The following BRAF variants were observed in gnomAD, a reference collection of about 807,000 sequenced individuals.
BRAF encodes B-Raf proto-oncogene, serine/threonine kinase.
A neutral mutation model predicts 104.6 loss-of-function variants in BRAF; 16 were observed. The observed-to-expected ratio is 0.15, with a 90% CI of 0.10 to 0.23. BRAF has a LOEUF of 0.23. BRAF is among the 10% of genes least tolerant of loss of function. The pLI is 1.00. For synonymous variants in BRAF, 310 were observed against 341.6 expected (o/e 0.91, Z 1.02); for missense variants, 541 against 937.3 (o/e 0.58, Z 5.52).
chr7:140,800,019 T>TG (rs1392261061), intron 7 of BRAF: 1 of 404,506 alleles, frequency 2.5e-6, no homozygotes, highest in Non-Finnish European at 4.6e-6. Flanking sequence ...ATAAGTTATT[T>TG]GGGGAAAAGA....
chr7:140,747,498 G>T, intron 17 of BRAF: 1 of 846,906 alleles, frequency 1.2e-6, no homozygotes, highest in Non-Finnish European at 1.7e-6. Context: ...GCTTTTATCT[G>T]TATTTTGGAG....
rs1803835418 is a variant in BRAF at position 140,808,045 on chromosome 7, C to T, written c.626G>A (p.Gly209Asp). The T allele has an allele frequency of 6.2e-7, 1 of 1,612,916 alleles. No homozygotes were observed. The highest frequency in any genetic ancestry group is 1.1e-5 in the South Asian group (1 of 91,050). ...AAGCCAGGAAATATCAGTGTCCCAA[C>T]CAATTGGTTTCTTCTCTCTGAAAAA... ...RIQDGEKKPI[G>D]WDTDISWLTG... The change falls in exon 5 of 20, where the codon GGT (glycine) becomes GAT (aspartate). Residue 209 changes from glycine (G) to aspartate (D), a missense_variant. Physicochemically the swap from Gly to Asp is moderately conservative, Grantham distance 94 (BLOSUM62 -1). This residue lies in a region of BRAF where 26 missense variants were observed against 74.4 expected (regional missense o/e 0.35). Transcript: ENST00000644969.
intron 14 of BRAF, among the ~76,000 whole-genome samples, chr7:140,770,888 G>A (rs1045008288): frequency 8.8e-5 from 13 of 148,412 alleles, no homozygotes; most frequent in Admixed American, 6.8e-5. Flanking sequence ...AGCCAAGGTC[G>A]TGCCACTGTA....
At chr7:140,773,740 A>G (rs1433684808) in intron 14 of BRAF, among the ~76,000 whole-genome samples, 1 of 152,194 alleles carries the variant, frequency 6.6e-6, no homozygotes, top group African/African-American at 2.4e-5. Flanking sequence ...GATATTGCCA[A>G]TTCCTGAGAA....
rs1300944683 is a variant in BRAF, at chr7:140,924,336, A to T, written c.138+230T>A. On this transcript the variant is annotated intron_variant, in intron 1 of 19. Transcript: ENST00000644969. The surrounding 1 kb of genome is among the most constrained non-coding windows in gnomAD (Gnocchi z 4.2). ...CAACCACCGCTGCCCCAATCCCCAC[A>T]TCTGGGGTGGGGGCCAGGGAAACCC... 6.6e-6 allele frequency among the ~76,000 whole-genome samples: 1 copy of T among 151,910 alleles called. No individual in the cohort carries two copies. Among genetic ancestry groups the T allele is most frequent in the Non-Finnish European group, 1.5e-5 (1 of 67,950 alleles).
At chr7:140,899,986 A>G (rs892313363) in intron 1 of BRAF, among the ~76,000 whole-genome samples, 1 of 152,242 alleles carries the variant, frequency 6.6e-6, no homozygotes, top group Non-Finnish European at 1.5e-5. Context: ...GGCCTGCTAC[A>G]TCCACATGAG....
chr7:140,872,702 A>T lies in BRAF; in HGVS notation c.139-22490T>A, dbSNP rs555189903. Among the ~76,000 whole-genome samples, 14 of 152,158 alleles carry T rather than the reference A, an allele frequency of 9.2e-5. No individual in the cohort carries two copies. The East Asian group carries it at 2.7e-3, about 29-fold the overall frequency. Reference sequence around the variant, plus strand: ...AGACCTCATCTCTACCAAAAATAAAAAAAAATAAAAATTAGCCAGGTATGG... The same window carrying T: ...AGACCTCATCTCTACCAAAAATAAATAAAAATAAAAATTAGCCAGGTATGG... On this transcript the variant is annotated intron_variant, in intron 1 of 19. Transcript: ENST00000644969.
chr7:140,879,419 A>T (rs1435789144), intron 1 of BRAF, among the ~76,000 whole-genome samples: 1 of 151,910 alleles, frequency 6.6e-6, no homozygotes, highest in Admixed American at 6.6e-5. Context: ...TGACCTTGTG[A>T]TCTGCCTGCC....
chr7:140,881,816 T>C (rs1404181033), intron 1 of BRAF, among the ~76,000 whole-genome samples: 1 of 151,810 alleles, frequency 6.6e-6, no homozygotes, highest in Non-Finnish European at 1.5e-5. Flanking sequence ...TGGAGAAGAG[T>C]TGGGGGAACA....
At chr7:140,888,881 T>C (rs991210549) in intron 1 of BRAF, among the ~76,000 whole-genome samples, 3 of 151,964 alleles carry the variant, frequency 2.0e-5, no homozygotes, top group Non-Finnish European at 4.4e-5. Flanking sequence ...CCAGAAGCAA[T>C]TTTGCCCCTC....
intron 12 of BRAF, chr7:140,780,583 G>A (rs1054563646): frequency 6.6e-6 from 1 of 152,028 alleles, no homozygotes; most frequent in African/African-American, 2.4e-5. Context: ...ATATTTCTAT[G>A]AGCTCCATAA....
At chr7:140,869,269 C>T (rs1313183660) in intron 1 of BRAF, among the ~76,000 whole-genome samples, 1 of 152,086 alleles carries the variant, frequency 6.6e-6, no homozygotes, top group Non-Finnish European at 1.5e-5. Flanking sequence ...CTAAGAGACA[C>T]CTTTCCCCCA....
chr7:140,871,063 T>TAAAAATACAAAA (rs565748530), intron 1 of BRAF, among the ~76,000 whole-genome samples: 1 of 150,164 alleles, frequency 6.7e-6, no homozygotes, highest in South Asian at 2.1e-4. Flanking sequence ...CTGTCTCTAC[T>TAAAAATACAAAA]AAAAATACAA....
chr7:140,902,260 G>C (rs62485368), intron 1 of BRAF, among the ~76,000 whole-genome samples: 1 of 152,040 alleles, frequency 6.6e-6, no homozygotes, highest in African/African-American at 2.4e-5. Context: ...TATGATCTTC[G>C]ATGTTACTAT....
chr7:140,881,171 G>A (rs1812861507), intron 1 of BRAF, among the ~76,000 whole-genome samples: 1 of 152,130 alleles, frequency 6.6e-6, no homozygotes, highest in African/African-American at 2.4e-5. Context: ...AGGCTTCATT[G>A]TTCCATTTAC....
intron 18 of BRAF, 27 bp from the exon 18 acceptor site, chr7:140,734,797 G>GAAAAAAAAAGA (rs1554388135): frequency 6.2e-6 from 7 of 1,130,016 alleles, no homozygotes; most frequent in Non-Finnish European, 6.9e-6. Context: ...AAAAAAAAAA[G>GAAAAAAAAAGA]AAAAAAAAAG....
chr7:140,768,527 T>A (rs1799543947), intron 14 of BRAF, among the ~76,000 whole-genome samples: 1 of 152,036 alleles, frequency 6.6e-6, no homozygotes, highest in African/African-American at 2.4e-5. Context: ...GGGTCTCACT[T>A]TGTCACCCAG....
At chr7:140,772,170 A>T (rs1218677107) in intron 14 of BRAF, among the ~76,000 whole-genome samples, 3 of 152,152 alleles carry the variant, frequency 2.0e-5, no homozygotes, top group Non-Finnish European at 4.4e-5. Flanking sequence ...TCTGTTACAA[A>T]ATCAGCAGCA....
chr7:140,749,747 T>TG (rs932080439), intron 16 of BRAF, among the ~76,000 whole-genome samples: 1 of 152,190 alleles, frequency 6.6e-6, no homozygotes, highest in African/African-American at 2.4e-5. Flanking sequence ...CAGTTCCCAC[T>TG]TCCCATTCCT....
Sources: gnomAD v4.1 joint callset for allele counts (sites outside exome capture counted in the v4.1 genomes callset) on GRCh38, gnomAD v4.1.1 for gene constraint, gnomAD v4.1.1 regional missense constraint, Gnocchi (gnomAD v3.1) non-coding constraint, MANE v1.5 for transcripts, NCBI Gene and HGNC (gene_info 2026-07-23, HGNC 2026-07-21) for gene names.